The following ANK2 variants were observed in gnomAD, a reference collection of about 807,000 sequenced individuals.
The protein encoded by ANK2 is ankyrin-2.
In ANK2, 83 loss-of-function variants were observed where a neutral mutation model predicts 360.5. The ratio of observed to expected loss-of-function variants is 0.23; its 90% confidence interval spans 0.19 to 0.28. ANK2 has a LOEUF of 0.28. Among genes scored for constraint, ANK2 ranks in the 10% least tolerant of loss-of-function variants. The pLI, the probability that ANK2 is intolerant of heterozygous loss-of-function variation, is 1.00. For missense variants in ANK2, 4,201 were observed against 4,795.7 expected (o/e 0.88, Z 3.66); for synonymous variants, 1,740 against 1,759.5 (o/e 0.99, Z 0.28).
intron 4 of ANK2, among the ~76,000 whole-genome samples, chr4:113,206,539 G>A (rs1030081488): frequency 6.6e-6 from 1 of 151,942 alleles, no homozygotes. Flanking sequence ...TTCAAATGAA[G>A]GCAGGTACTT....
chr4:113,058,225 G>A (rs1465937007), intron 1 of ANK2, among the ~76,000 whole-genome samples: 5 of 152,002 alleles, frequency 3.3e-5, no homozygotes, highest in African/African-American at 4.8e-5. Context: ...GGGTGTTTTT[G>A]AAATAAAACT....
At chr4:113,098,056 T>C (rs893561152) in intron 1 of ANK2, among the ~76,000 whole-genome samples, 5 of 151,512 alleles carry the variant, frequency 3.3e-5, no homozygotes, top group Non-Finnish European at 7.4e-5. Context: ...CACTTTCTTT[T>C]TATATTTGCC....
chr4:112,806,513 T>C, the ANK2 span, among the ~76,000 whole-genome samples: 1 of 152,076 alleles, frequency 6.6e-6, no homozygotes, highest in East Asian at 1.9e-4. Flanking sequence ...GTAATAAACA[T>C]GGGAGTGCAG....
intron 2 of ANK2, among the ~76,000 whole-genome samples, chr4:113,024,143 A>G (rs1348363135): frequency 6.6e-6 from 1 of 152,220 alleles, no homozygotes; most frequent in African/African-American, 2.4e-5. Flanking sequence ...AAGAAAGAGA[A>G]TAAAAACCAG....
At chr4:112,819,767 C>G (rs533771280) in intron 1 of ANK2, among the ~76,000 whole-genome samples, 1 of 152,184 alleles carries the variant, frequency 6.6e-6, no homozygotes, top group African/African-American at 2.4e-5. Context: ...ACCCTACTTT[C>G]TCCTCCTTCC....
chr4:112,898,762 G>A (rs916929691), intron 1 of ANK2, among the ~76,000 whole-genome samples: 9 of 152,114 alleles, frequency 5.9e-5, no homozygotes, highest in South Asian at 2.1e-4. Flanking sequence ...GAACATAGAC[G>A]TAAATAACTA....
At chr4:112,865,784 A>T (rs1040324097) in intron 1 of ANK2, among the ~76,000 whole-genome samples, 2 of 152,254 alleles carry the variant, frequency 1.3e-5, no homozygotes, top group South Asian at 4.1e-4. Context: ...AAAGATGGAT[A>T]AATTTCATAC....
chr4:112,780,477 T>C, the ANK2 span, among the ~76,000 whole-genome samples: 1 of 152,226 alleles, frequency 6.6e-6, no homozygotes, highest in African/African-American at 2.4e-5. Flanking sequence ...TGAATTCTAA[T>C]ATATGTTGAG....
At chr4:113,110,361 A>G (rs1184766547) in intron 1 of ANK2, among the ~76,000 whole-genome samples, 2 of 152,142 alleles carry the variant, frequency 1.3e-5, no homozygotes, top group Admixed American at 1.3e-4. Flanking sequence ...GGGAGCTACA[A>G]TTCAAGATGA....
At chr4:113,047,428 G>T (rs1371657163), upstream of ANK2, among the ~76,000 whole-genome samples, 1 of 152,158 alleles carries the variant, frequency 6.6e-6, no homozygotes, top group African/African-American at 2.4e-5. Context: ...TGCCTCTAGT[G>T]CTCAGTTCCT....
In ANK2 at chr4:113,354,414, A is replaced by T; in HGVS notation, c.5796A>T (p.Arg1932Ser). ...AACACCCGCCAGTATCGCCTGGGAG[A>T]ACAGAAAAACGCTTGCCTGTTTCAC... The part of the protein sequence containing the change: ...TEKHPPVSPG[R>S]TEKRLPVSPS... The change falls in exon 38 of 46, where the codon AGA (arginine) becomes AGT (serine). Residue 1932 changes from arginine (R) to serine (S), a missense_variant. Coordinates refer to ENST00000357077, the MANE Select transcript of ANK2 (RefSeq NM_001148.6). 6.2e-7 allele frequency: 1 copy of T among 1,614,020 alleles called. No individual in the cohort carries two copies. Among genetic ancestry groups the T allele is most frequent in the Admixed American group, 1.7e-5 (1 of 60,012 alleles).
At chr4:113,292,080 T>G (rs373349605) in intron 20 of ANK2, among the ~76,000 whole-genome samples, 5 of 152,306 alleles carry the variant, frequency 3.3e-5, no homozygotes, top group Admixed American at 1.3e-4. Flanking sequence ...ATCTCTCTTC[T>G]CAGCTCAGAT....
intron 4 of ANK2, among the ~76,000 whole-genome samples, chr4:113,223,929 C>G (rs1162464380): frequency 6.6e-6 from 1 of 152,194 alleles, no homozygotes; most frequent in Non-Finnish European, 1.5e-5. Flanking sequence ...AAAGCTGATT[C>G]TTTCACATGT....
intron 1 of ANK2, among the ~76,000 whole-genome samples, chr4:113,051,323 T>A (rs995830003): frequency 5.3e-5 from 8 of 152,188 alleles, no homozygotes; most frequent in Non-Finnish European, 4.4e-5. Context: ...TACTCAGGAC[T>A]ATTAAAGGGG....
intron 14 of ANK2, 149 bp downstream of exon 14, chr4:113,265,144 A>G (rs2055253171): frequency 1.2e-6 from 1 of 822,106 alleles, no homozygotes; most frequent in Non-Finnish European, 1.9e-6. Context: ...AGAAAAAAAA[A>G]AGAAACATTA....
rs1267665348 is a variant in ANK2, at chr4:113,330,296, G to A, written c.2951G>A (p.Cys984Tyr). ...VDARGGAMRG[C>Y]RHNGLRIIIP... ...GCCCGAGGTGGTGCTATGCGAGGAT[G>A]CAGACACAATGGGCTCCGAATCATT... is the stretch of plus-strand genomic sequence containing the variant. Residue 984 changes from cysteine to tyrosine, a missense_variant, in exon 27 of 46, where the codon TGC (cysteine) becomes TAC (tyrosine). Physicochemically the swap from Cys to Tyr is radical, Grantham distance 194. This residue lies in a region of ANK2 where 1,268 missense variants were observed against 1,650.8 expected (regional missense o/e 0.77). Coordinates refer to ENST00000357077, the MANE Select transcript of ANK2 (RefSeq NM_001148.6). 1.2e-6 allele frequency: 2 copies of A among 1,614,216 alleles called. No homozygotes were observed. Among genetic ancestry groups the A allele is most frequent in the South Asian group, 1.1e-5 (1 of 91,088 alleles).
intron 2 of ANK2, among the ~76,000 whole-genome samples, chr4:112,997,573 A>T (rs889550234): frequency 6.6e-6 from 1 of 152,098 alleles, no homozygotes; most frequent in Non-Finnish European, 1.5e-5. Flanking sequence ...TCAAACACCT[A>T]AAAAAGACTC....
chr4:112,791,629 C>A, the ANK2 span, among the ~76,000 whole-genome samples: 1 of 149,024 alleles, frequency 6.7e-6, no homozygotes, highest in Non-Finnish European at 1.5e-5. Flanking sequence ...GCTGGGACTA[C>A]AGGCACCCGC....
chr4:112,743,520 T>TCC, the ANK2 span, among the ~76,000 whole-genome samples: 2 of 113,450 alleles, frequency 1.8e-5, no homozygotes, highest in African/African-American at 5.2e-5. Context: ...CTTCCTTCCT[T>TCC]TCTTTCTTTC....
Sources: gnomAD v4.1 joint callset for allele counts (sites outside exome capture counted in the v4.1 genomes callset) on GRCh38, gnomAD v4.1.1 for gene constraint, gnomAD v4.1.1 regional missense constraint, MANE v1.5 for transcripts, NCBI Gene and HGNC (gene_info 2026-07-23, HGNC 2026-07-21) for gene names.